Variants in CDK5RAP3 observed in about 807,000 individuals in gnomAD.
CDK5RAP3 encodes the protein CDK5 regulatory subunit associated protein 3, also known as CDK5 regulatory subunit-associated protein 3.
A neutral mutation model predicts 73.3 loss-of-function variants in CDK5RAP3; 58 were observed. The observed-to-expected ratio is 0.79, with a 90% CI of 0.64 to 0.98. CDK5RAP3 has a LOEUF of 0.98. Ranked by LOEUF, CDK5RAP3 falls within the 50% of genes least tolerant of loss-of-function variation. The pLI, the probability that CDK5RAP3 is intolerant of heterozygous loss-of-function variation, is 0.00. For synonymous variants in CDK5RAP3, 224 were observed against 247.5 expected, an observed-to-expected ratio of 0.91 and a Z score of 0.89; for missense variants, 525 against 615.8, an observed-to-expected ratio of 0.85 and a Z score of 1.56.
At chr17:47,971,228 G>A (rs1010277838) in intron 1 of CDK5RAP3, 76 bp downstream of exon 1, 1 of 1,528,388 alleles carries the variant, frequency 6.5e-7, no homozygotes, top group Non-Finnish European at 8.9e-7. Context: ...CCCTCCGGAA[G>A]CGGCTCAACC....
chr17:47,968,042 G>C (rs1178888924), upstream of CDK5RAP3: 1 of 152,270 alleles, frequency 6.6e-6, no homozygotes, highest in African/African-American at 2.4e-5. Flanking sequence ...TGCCCAGCCT[G>C]TTGGTTCAAG....
intron 4 of CDK5RAP3, 63 bp from the exon 5 acceptor site, chr17:47,974,337 T>G: frequency 4.4e-6 from 6 of 1,364,194 alleles, no homozygotes; most frequent in Non-Finnish European, 6.3e-6. Context: ...GTTTAGGGAT[T>G]GAGCTGGGAT....
intron 8 of CDK5RAP3, among the ~76,000 whole-genome samples, chr17:47,976,245 G>T (rs879539189): frequency 6.6e-6 from 1 of 152,236 alleles, no homozygotes; most frequent in Non-Finnish European, 1.5e-5. Flanking sequence ...CCTCCATCAT[G>T]TGAGCTCTCT....
In CDK5RAP3 at chr17:47,977,847, G is replaced by C; in HGVS notation, c.925G>C (p.Gly309Arg). 8 of 1,613,958 alleles carry C rather than the reference G, an allele frequency of 5.0e-6. No homozygotes were observed. The highest frequency in any genetic ancestry group is 4.0e-5 in the African/African-American group (3 of 75,028). Residue 309 changes from glycine to arginine, a missense_variant, in exon 10 of 14, where the codon GGG (glycine) becomes CGG (arginine). Transcript: ENST00000338399. ...ESDSKDPGGD[G>R]IDWGDDAVAL... is the part of the protein sequence containing the mutation. ...CTCCTTCCAGGATCCTGGAGGTGAT[G>C]GGATAGACTGGGGAGACGATGCTGT...
upstream of CDK5RAP3, among the ~76,000 whole-genome samples, chr17:47,970,187 T>G (rs1340907637): frequency 1.2e-4 from 18 of 152,180 alleles, no homozygotes; most frequent in Admixed American, 4.6e-4. Flanking sequence ...TTCCTCTGTC[T>G]GAAGGGATGA....
At chr17:47,974,824 G>C in intron 5 of CDK5RAP3, 1 of 1,279,598 alleles carries the variant, frequency 7.8e-7, no homozygotes, top group Non-Finnish European at 1.0e-6. Context: ...GTGCCTGAGA[G>C]CAACTACAGG....
chr17:47,974,890 TG>T (rs2036361566), intron 5 of CDK5RAP3: 1 of 1,361,504 alleles, frequency 7.3e-7, no homozygotes, highest in South Asian at 1.5e-5. Flanking sequence ...TAATATTTCC[TG>T]AGCATCTACT....
At chr17:47,972,448 A>G (rs923157589) in intron 2 of CDK5RAP3, among the ~76,000 whole-genome samples, 3 of 152,218 alleles carry the variant, frequency 2.0e-5, no homozygotes, top group African/African-American at 4.8e-5. Context: ...AGTATAACTG[A>G]TACTAGTGTG....
rs777006336 is a variant in CDK5RAP3 at position 47,976,759 on chromosome 17, C to A, written c.846C>A (p.Asp282Glu). The stretch of plus-strand genomic sequence containing the variant: ...TAGAGGCAGTGTCTGAGGGGACTGA[C>A]TCTGGCATCTCTGCCGAGGCTGCTG... ...FGVEAVSEGT[D>E]SGISAEAAGI... is the part of the protein sequence containing the mutation. The change falls in exon 9 of 14, where the codon GAC (aspartate) becomes GAA (glutamate). Residue 282 changes from aspartate (D) to glutamate (E), a missense_variant. By Grantham distance (45) the Asp-to-Glu change is conservative. Around this residue, in one of 2 missense-constraint regions of CDK5RAP3, gnomAD observed 409 missense variants for 429.8 expected, o/e 0.95. Coordinates refer to ENST00000338399, the MANE Select transcript of CDK5RAP3 (RefSeq NM_176096.3). 6.2e-7 allele frequency: 1 copy of A among 1,612,818 alleles called. No individual in the cohort carries two copies. The highest frequency in any genetic ancestry group is 1.1e-5 in the South Asian group (1 of 90,978).
intron 5 of CDK5RAP3, 185 bp from the exon 6 acceptor site, chr17:47,974,974 T>C: frequency 6.8e-7 from 1 of 1,467,226 alleles, no homozygotes; most frequent in African/African-American, 1.4e-5. Flanking sequence ...TTATTGTCGC[T>C]GTTTTACCGA....
At chr17:47,974,906 G>T (rs1213942871) in intron 5 of CDK5RAP3, 1 of 1,382,354 alleles carries the variant, frequency 7.2e-7, no homozygotes, top group African/African-American at 1.5e-5. Context: ...TCTACTAAAT[G>T]CAAGGAATTG....
rs2036322059 is a variant in CDK5RAP3 at position 47,973,665 on chromosome 17, G to T, written c.184+15G>T. 4 of 1,613,024 alleles carry T rather than the reference G, an allele frequency of 2.5e-6. No individual in the cohort carries two copies. The South Asian group carries it at 4.4e-5, about 18-fold the overall frequency. On this transcript the variant is annotated intron_variant, in intron 3 of 13. Transcript: ENST00000338399. ...GTCTGGGTCCTGTGAGTGCTTAGGG[G>T]CTGTCACTGGAGTCCCCTCTTTGCT... is the stretch of plus-strand genomic sequence containing the variant.
chr17:47,971,086 T>C (rs2036248124), upstream of CDK5RAP3: 2 of 1,551,262 alleles, frequency 1.3e-6, no homozygotes, highest in Non-Finnish European at 8.7e-7. Context: ...ACAACGCCAC[T>C]GGATTGGTGG....
At position 47,972,469 on chromosome 17, in the gene CDK5RAP3, G is replaced by A. The variant is rs555817743; in HGVS notation, c.53-1050G>A. Among the ~76,000 whole-genome samples, 44 of 152,284 alleles carry A rather than the reference G, an allele frequency of 2.9e-4. 1 individual carries two copies. Among genetic ancestry groups the A allele is most frequent in the South Asian group, 2.1e-4 (1 of 4,828 alleles). Reference sequence around the variant, plus strand: ...ACTGATACTAGTGTGGGACCCCAGCGTTTGACCGGTTGGCAGAGTTCAAGT... The same window carrying A: ...ACTGATACTAGTGTGGGACCCCAGCATTTGACCGGTTGGCAGAGTTCAAGT... On this transcript the variant is annotated intron_variant, in intron 2 of 13. Transcript: ENST00000338399.
chr17:47,971,125 CTGAAGCG>C lies in CDK5RAP3; in HGVS notation c.-21_-15del. The C allele has an allele frequency of 6.4e-7, 1 of 1,551,746 alleles. No homozygotes were observed. The highest frequency in any genetic ancestry group is 8.7e-7 in the Non-Finnish European group (1 of 1,147,010). On this transcript the variant is annotated 5_prime_UTR_variant, in exon 1 of 14. Coordinates refer to ENST00000338399, the MANE Select transcript of CDK5RAP3 (RefSeq NM_176096.3). ...GGCGGGGCGGGCCACAGTCTCCAGC[CTGAAGCG>C]GAAGTGGAGGAAAGATGGAGGTGTG...
intron 11 of CDK5RAP3, chr17:47,979,536 T>G (rs1305429993): frequency 6.5e-6 from 1 of 152,718 alleles, no homozygotes. Context: ...CTCAGAGATG[T>G]AGCGTCTGAA....
At chr17:47,978,731 G>T (rs1000358301) in intron 10 of CDK5RAP3, 98 bp from the exon 11 acceptor site, 2 of 902,326 alleles carry the variant, frequency 2.2e-6, no homozygotes, top group African/African-American at 3.3e-5. Flanking sequence ...AGCACAGTGA[G>T]TCTGTCCGTA....
At chr17:47,970,465 T>G (rs1391690786), upstream of CDK5RAP3, 1 of 596,838 alleles carries the variant, frequency 1.7e-6, no homozygotes. Context: ...GCTTTGTCTG[T>G]GTAGTCTCCT....
At chr17:47,972,847 A>G (rs2036302083) in intron 2 of CDK5RAP3, among the ~76,000 whole-genome samples, 1 of 152,210 alleles carries the variant, frequency 6.6e-6, no homozygotes, top group South Asian at 2.1e-4. Flanking sequence ...GGCACAGAAT[A>G]GTAGACTTGC....
Sources: allele counts gnomAD v4.1 joint callset (sites outside exome capture counted in the v4.1 genomes callset), GRCh38; gene constraint gnomAD v4.1.1; regional missense constraint gnomAD v4.1.1; transcripts MANE v1.5; gene names NCBI Gene and HGNC (gene_info 2026-07-23, HGNC 2026-07-21).